The following OXR1 variants were observed in gnomAD, a reference collection of about 807,000 sequenced individuals.
OXR1 encodes the protein oxidation resistance 1.
In OXR1, 41 loss-of-function variants were observed where a neutral mutation model predicts 104.6. That is an observed-to-expected ratio of 0.39 (90% CI 0.31 to 0.51). The LOEUF is 0.51. OXR1 is among the 20% of genes least tolerant of loss of function. The pLI, the probability that OXR1 is intolerant of heterozygous loss-of-function variation, is 0.77. For missense variants in OXR1, 955 were observed against 1,031.9 expected (o/e 0.93, Z 1.02); for synonymous variants, 348 against 348.4 (o/e 1.00, Z 0.01).
At chr8:106,695,472 C>T (rs1319758970) in intron 7 of OXR1, among the ~76,000 whole-genome samples, 10 of 150,192 alleles carry the variant, frequency 6.7e-5, no homozygotes, top group East Asian at 2.0e-4. Context: ...GGCTGGAGTG[C>T]GGTGGCCTGA....
At chr8:106,348,375 C>T (rs371464662) in intron 1 of OXR1, among the ~76,000 whole-genome samples, 11 of 152,152 alleles carry the variant, frequency 7.2e-5, no homozygotes, top group African/African-American at 2.7e-4. Context: ...GCTGATTTTC[C>T]TCGACTTGTC....
chr8:106,450,181 C>G (rs1299435534), intron 2 of OXR1, among the ~76,000 whole-genome samples: 1 of 152,102 alleles, frequency 6.6e-6, no homozygotes, highest in African/African-American at 2.4e-5. Flanking sequence ...GTGAAATGAG[C>G]TAGGTGCTTT....
chr8:106,522,312 T>A (rs1813321865), intron 3 of OXR1, among the ~76,000 whole-genome samples: 1 of 152,214 alleles, frequency 6.6e-6, no homozygotes. Flanking sequence ...CCTATGCACA[T>A]GCTCCTGTAT....
intron 1 of OXR1, among the ~76,000 whole-genome samples, chr8:106,294,014 G>A: frequency 7.4e-6 from 1 of 135,902 alleles, no homozygotes; most frequent in Non-Finnish European, 1.5e-5. Context: ...AATAAGCTGA[G>A]GAAAACATTT....
rs922445842 is a variant in OXR1, at chr8:106,370,931, T to C, written c.23+11295T>C. Among the ~76,000 whole-genome samples, 57 of 152,136 alleles carry C rather than the reference T, an allele frequency of 3.7e-4. 1 individual carries two copies. The highest frequency in any genetic ancestry group is 1.4e-3 in the Admixed American group (21 of 15,268). On this transcript the variant is annotated intron_variant, in intron 2 of 16. Coordinates refer to ENST00000517566, the MANE Select transcript of OXR1 (RefSeq NM_001198533.2). ...CTTCATAAAATGAGTTAGGGAAGAG[T>C]CCCTTCTTTTCAGTTGTTTGGAATA...
At chr8:106,623,600 G>GT (rs1821904602) in intron 3 of OXR1, among the ~76,000 whole-genome samples, 1 of 152,130 alleles carries the variant, frequency 6.6e-6, no homozygotes, top group Non-Finnish European at 1.5e-5. Context: ...GCCTGGTAGA[G>GT]TAAGTTGTGG....
At chr8:106,623,692 AC>A (rs1348124813) in intron 3 of OXR1, among the ~76,000 whole-genome samples, 1 of 152,212 alleles carries the variant, frequency 6.6e-6, no homozygotes, top group Non-Finnish European at 1.5e-5. Flanking sequence ...GTGGGAGAGT[AC>A]CAAAGAGAAA....
At chr8:106,397,711 C>T (rs1817837121) in intron 2 of OXR1, among the ~76,000 whole-genome samples, 1 of 151,882 alleles carries the variant, frequency 6.6e-6, no homozygotes, top group South Asian at 2.1e-4. Flanking sequence ...TCAACAATTT[C>T]TTTTAAAAGT....
intron 3 of OXR1, among the ~76,000 whole-genome samples, chr8:106,613,585 G>C (rs1464892550): frequency 6.6e-6 from 1 of 152,220 alleles, no homozygotes; most frequent in African/African-American, 2.4e-5. Flanking sequence ...TTTTAGTAGA[G>C]ACAGAGTTTC....
Position 106,739,557 on chromosome 8 carries a change from C to G in OXR1, c.2137C>G (p.Leu713Val). The G allele has an allele frequency of 6.2e-7, 1 of 1,613,368 alleles. No homozygotes were observed. Among genetic ancestry groups the G allele is most frequent in the Non-Finnish European group, 8.5e-7 (1 of 1,179,640 alleles). ...FRPNLSDPSE[L>V]LLPDQIEKLT... ...ACCAAACCTAAGTGATCCCAGTGAA[C>G]TTTTACTGCCAGATCAAATTGAAAA... The change falls in exon 13 of 17, where the codon CTT becomes GTT. Residue 713 changes from leucine (L) to valine (V), a missense_variant. Transcript: ENST00000517566.
chr8:106,344,776 T>C (rs116870754), intron 1 of OXR1, among the ~76,000 whole-genome samples: 1 of 152,370 alleles, frequency 6.6e-6, no homozygotes, highest in East Asian at 1.9e-4. Flanking sequence ...GTAACACTCT[T>C]GTATTCCTTT....
chr8:106,298,176 T>C (rs1052056182), intron 1 of OXR1, among the ~76,000 whole-genome samples: 1 of 152,178 alleles, frequency 6.6e-6, no homozygotes, highest in Non-Finnish European at 1.5e-5. Flanking sequence ...TAGGAATCTG[T>C]ATTAGTCTGT....
At chr8:106,319,452 A>AT (rs1233215587) in intron 1 of OXR1, among the ~76,000 whole-genome samples, 4 of 152,230 alleles carry the variant, frequency 2.6e-5, no homozygotes, top group African/African-American at 9.6e-5. Context: ...AGAGAATTAA[A>AT]TTTTTTGTCT....
chr8:106,405,822 G>T (rs34176736), intron 2 of OXR1, among the ~76,000 whole-genome samples: 33,038 of 151,974 alleles, frequency 0.22, 4,946 homozygotes, highest in East Asian at 0.42. Flanking sequence ...GAGTTCAGCC[G>T]AAATTGTTTA....
chr8:106,402,502 T>C (rs1051078433), intron 2 of OXR1, among the ~76,000 whole-genome samples: 5 of 152,214 alleles, frequency 3.3e-5, no homozygotes, highest in Non-Finnish European at 7.3e-5. Context: ...AGGGACTTAC[T>C]GGACCCACTG....
intron 3 of OXR1, among the ~76,000 whole-genome samples, chr8:106,528,348 A>C (rs752580195): frequency 1.3e-5 from 2 of 152,198 alleles, no homozygotes; most frequent in African/African-American, 2.4e-5. Context: ...GAAATTGCAA[A>C]TTCTAAAATC....
chr8:106,589,680 C>CT lies in OXR1; in HGVS notation c.220+70546dup, dbSNP rs138793370. On this transcript the variant is annotated intron_variant, in intron 3 of 16. Transcript: ENST00000517566. ...TGAACATAAGCTACTGTCTTTTCTG[C>CT]TTTTTGAGATGGAGTTTCGCTTGTT... Among the ~76,000 whole-genome samples, 1,453 of 152,152 alleles carry CT rather than the reference C, an allele frequency of 9.5e-3. 15 individuals carry two copies. Among genetic ancestry groups the CT allele is most frequent in the East Asian group, 0.034 (174 of 5,162 alleles).
intron 6 of OXR1, among the ~76,000 whole-genome samples, chr8:106,688,876 TGCAGG>T (rs1829008671): frequency 1.3e-5 from 2 of 152,162 alleles, no homozygotes; most frequent in African/African-American, 4.8e-5. Flanking sequence ...TACTAGCAAG[TGCAGG>T]TACTCTATAA....
At chr8:106,653,079 AAAAAAT>A (rs1005310146) in intron 3 of OXR1, among the ~76,000 whole-genome samples, 1 of 107,870 alleles carries the variant, frequency 9.3e-6, no homozygotes, top group Non-Finnish European at 2.0e-5. Flanking sequence ...TAGAAAAAAA[AAAAAAT>A]ATATATATAT....
Sources: gnomAD v4.1 joint callset for allele counts (sites outside exome capture counted in the v4.1 genomes callset) on GRCh38, gnomAD v4.1.1 for gene constraint, MANE v1.5 for transcripts, NCBI Gene and HGNC (gene_info 2026-07-23, HGNC 2026-07-21) for gene names.